The following FGF12 variants were observed in gnomAD, a reference collection of about 807,000 sequenced individuals.
The protein encoded by FGF12 is fibroblast growth factor 12, also known as fibroblast growth factor 12B.
A neutral mutation model predicts 23.6 loss-of-function variants in FGF12; 14 were observed. That is an observed-to-expected ratio of 0.59 (90% CI 0.39 to 0.93). FGF12 has a LOEUF of 0.93. Among genes scored for constraint, FGF12 ranks in the 40% least tolerant of loss-of-function variants. FGF12 has a pLI of 0.00. For missense variants in FGF12, 175 were observed against 217.8 expected, an observed-to-expected ratio of 0.80 and a Z score of 1.24; for synonymous variants, 62 against 77.3, an observed-to-expected ratio of 0.80 and a Z score of 1.04.
At chr3:192,607,050 A>T (rs986435066) in intron 2 of FGF12, among the ~76,000 whole-genome samples, 2 of 152,034 alleles carry the variant, frequency 1.3e-5, no homozygotes, top group African/African-American at 2.4e-5. Flanking sequence ...TACACTATCC[A>T]TTCAGTCACA....
At chr3:192,533,559 G>C (rs944667964) in intron 2 of FGF12, among the ~76,000 whole-genome samples, 5 of 152,068 alleles carry the variant, frequency 3.3e-5, no homozygotes, top group African/African-American at 1.2e-4. Context: ...CACACACAGT[G>C]GTCTTCAGAG....
intron 4 of FGF12, among the ~76,000 whole-genome samples, chr3:192,198,013 T>G (rs1281176436): frequency 1.3e-5 from 2 of 151,748 alleles, no homozygotes; most frequent in Non-Finnish European, 2.9e-5. Context: ...AAGCCAACTT[T>G]TTTTTTTTAA....
chr3:192,211,709 G>A (rs987737922), intron 4 of FGF12, among the ~76,000 whole-genome samples: 2 of 152,028 alleles, frequency 1.3e-5, no homozygotes, highest in African/African-American at 4.8e-5. Context: ...TTACAGGTGT[G>A]AGCCACCGTG....
At chr3:192,293,638 T>A (rs1298362808) in intron 4 of FGF12, among the ~76,000 whole-genome samples, 1 of 149,984 alleles carries the variant, frequency 6.7e-6, no homozygotes. Flanking sequence ...CTGCCATTTA[T>A]AATTAATTAA....
chr3:192,386,896 A>G (rs1720067507), intron 2 of FGF12, among the ~76,000 whole-genome samples: 2 of 152,248 alleles, frequency 1.3e-5, no homozygotes, highest in South Asian at 4.1e-4. Context: ...TTTCAGGTAC[A>G]GGGCTAGTGC....
intron 2 of FGF12, among the ~76,000 whole-genome samples, chr3:192,544,398 T>G (rs1040670454): frequency 2.0e-5 from 3 of 152,196 alleles, no homozygotes; most frequent in Admixed American, 2.0e-4. Flanking sequence ...TGTGGATAGT[T>G]GTTCAATTTG....
intron 4 of FGF12, among the ~76,000 whole-genome samples, chr3:192,301,557 A>G (rs1343562423): frequency 6.6e-6 from 1 of 152,154 alleles, no homozygotes; most frequent in Non-Finnish European, 1.5e-5. Context: ...AGAACCCAAA[A>G]AATTATGATA....
At chr3:192,427,466 T>C (rs953729427) in intron 2 of FGF12, among the ~76,000 whole-genome samples, 5 of 152,136 alleles carry the variant, frequency 3.3e-5, no homozygotes, top group African/African-American at 1.2e-4. Context: ...AAACATACTC[T>C]AGGTTCTCAA....
chr3:192,524,939 T>A (rs757649431), intron 2 of FGF12, among the ~76,000 whole-genome samples: 1 of 152,146 alleles, frequency 6.6e-6, no homozygotes, highest in African/African-American at 2.4e-5. Context: ...AATGGACACA[T>A]TTTGTCCTAA....
chr3:192,547,407 T>G (rs1725522115), intron 2 of FGF12, among the ~76,000 whole-genome samples: 1 of 152,212 alleles, frequency 6.6e-6, no homozygotes, highest in Non-Finnish European at 1.5e-5. Flanking sequence ...AAGTTCACCA[T>G]TTTCTTTATA....
In FGF12 at chr3:192,617,761, A is replaced by G. The variant is rs191251381; in HGVS notation, c.13+109420T>C. On this transcript the variant is annotated intron_variant, in intron 2 of 5. Transcript: ENST00000445105. ...ACCAGGTAGAAGAGTTTTAGTAGAG[A>G]TTATTGAGATGAGAAGAAATTGACA... 1.2e-3 allele frequency among the ~76,000 whole-genome samples: 183 copies of G among 152,156 alleles called. 2 individuals carry two copies. The Middle Eastern group carries it at 0.017, about 14-fold the overall frequency.
chr3:192,508,004 A>AAAC (rs1177588339), intron 2 of FGF12, among the ~76,000 whole-genome samples: 4 of 152,190 alleles, frequency 2.6e-5, no homozygotes, highest in Non-Finnish European at 5.9e-5. Context: ...GTGCCTTAGA[A>AAAC]AAATGATCCA....
At position 192,688,173 on chromosome 3, in the gene FGF12, C is replaced by A. The variant is rs140132309; in HGVS notation, c.13+39008G>T. Among the ~76,000 whole-genome samples the A allele has an allele frequency of 3.1e-3, 474 of 152,258 alleles. 3 individuals carry two copies. Among genetic ancestry groups the A allele is most frequent in the African/African-American group, 0.011 (452 of 41,536 alleles). ...GAGGACCCTCACAGCCATAGCAGAC[C>A]TCACACAGCTCTTGCCACCAAGAAC... is the stretch of plus-strand genomic sequence containing the variant. On this transcript the variant is annotated intron_variant, in intron 2 of 5. Transcript: ENST00000445105.
chr3:192,708,491 T>A (rs1043516960), intron 2 of FGF12, among the ~76,000 whole-genome samples: 1 of 152,212 alleles, frequency 6.6e-6, no homozygotes, highest in African/African-American at 2.4e-5. Flanking sequence ...CCTTCTATTG[T>A]ATACTTAACA....
chr3:192,652,597 A>G (rs1716254320), intron 2 of FGF12, among the ~76,000 whole-genome samples: 1 of 152,232 alleles, frequency 6.6e-6, no homozygotes, highest in Non-Finnish European at 1.5e-5. Context: ...CCAAATCAAC[A>G]GCCTTGGTAT....
Position 192,664,491 on chromosome 3 carries a change from G to A in FGF12, c.13+62690C>T, listed in dbSNP as rs535805846. Among the ~76,000 whole-genome samples the A allele has an allele frequency of 5.3e-5, 8 of 151,932 alleles. No individual in the cohort carries two copies. In the South Asian group the frequency reaches 8.3e-4, roughly 16 times the overall value. The stretch of plus-strand genomic sequence containing the variant: ...AGGCGGGGCACGGTGGCTCACGCCT[G>A]TAATCCCAGCACTTTGGGAGGCCAA... On this transcript the variant is annotated intron_variant, in intron 2 of 5. Coordinates refer to ENST00000445105, the MANE Select transcript of FGF12 (RefSeq NM_004113.6).
At chr3:192,635,793 C>T (rs1715557982) in intron 2 of FGF12, among the ~76,000 whole-genome samples, 2 of 152,096 alleles carry the variant, frequency 1.3e-5, no homozygotes, top group African/African-American at 2.4e-5. Flanking sequence ...GGTGGTTTCT[C>T]TTCTGAAGTT....
intron 4 of FGF12, among the ~76,000 whole-genome samples, chr3:192,322,279 A>G (rs1422902044): frequency 6.6e-6 from 1 of 152,134 alleles, no homozygotes; most frequent in African/African-American, 2.4e-5. Flanking sequence ...AAAGAACTCT[A>G]CAATAAAAAC....
intron 2 of FGF12, among the ~76,000 whole-genome samples, chr3:192,390,113 C>G (rs1488339122): frequency 6.6e-6 from 1 of 152,188 alleles, no homozygotes; most frequent in Admixed American, 6.5e-5. Context: ...TGAAAAATAT[C>G]AAAATGGAGG....
Sources: gnomAD v4.1 joint callset for allele counts (sites outside exome capture counted in the v4.1 genomes callset) on GRCh38, gnomAD v4.1.1 for gene constraint, MANE v1.5 for transcripts, NCBI Gene and HGNC (gene_info 2026-07-23, HGNC 2026-07-21) for gene names.